GUCY1A2: variants seen among roughly 807,000 people sequenced by gnomAD.
GUCY1A2 encodes the protein guanylate cyclase soluble subunit alpha-2.
In GUCY1A2, 27 loss-of-function variants were observed where a neutral mutation model predicts 63.5. That is an observed-to-expected ratio of 0.43 (90% CI 0.31 to 0.59). The LOEUF (loss-of-function observed/expected upper bound fraction) is 0.59. Among genes scored for constraint, GUCY1A2 ranks in the 20% least tolerant of loss-of-function variants. The pLI, the probability that GUCY1A2 is intolerant of heterozygous loss-of-function variation, is 0.11. For missense variants in GUCY1A2, 768 were observed against 913.3 expected (o/e 0.84, Z 2.05); for synonymous variants, 364 against 343.5 (o/e 1.06, Z -0.66).
chr11:106,842,815 A>G (rs572460342), intron 4 of GUCY1A2, among the ~76,000 whole-genome samples: 3 of 152,030 alleles, frequency 2.0e-5, no homozygotes, highest in South Asian at 4.1e-4. Context: ...GTGATTCTCA[A>G]ATAAGCTTCT....
intron 4 of GUCY1A2, among the ~76,000 whole-genome samples, chr11:106,888,426 C>T (rs1859929294): frequency 6.6e-6 from 1 of 152,074 alleles, no homozygotes; most frequent in African/African-American, 2.4e-5. Context: ...GATCACTCCA[C>T]TGCACTCCAG....
intron 4 of GUCY1A2, among the ~76,000 whole-genome samples, chr11:106,908,631 A>G (rs575409718): frequency 6.6e-6 from 1 of 152,164 alleles, no homozygotes; most frequent in East Asian, 1.9e-4. Flanking sequence ...TCATTACTCA[A>G]TTATCCTATT....
intron 4 of GUCY1A2, among the ~76,000 whole-genome samples, chr11:106,812,414 G>C (rs1858774137): frequency 6.6e-6 from 1 of 150,448 alleles, no homozygotes; most frequent in Admixed American, 6.6e-5. Context: ...TCTTTATTTG[G>C]TGTTTGTCTC....
At chr11:106,708,446 C>G (rs1591239424) in intron 7 of GUCY1A2, 66 bp downstream of exon 7, 1 of 1,284,888 alleles carries the variant, frequency 7.8e-7, no homozygotes, top group Non-Finnish European at 1.1e-6. Context: ...CAGGGACTCA[C>G]AGATGACAGC....
chr11:106,767,424 T>A (rs932443935), intron 6 of GUCY1A2, among the ~76,000 whole-genome samples: 2 of 152,134 alleles, frequency 1.3e-5, no homozygotes, highest in Non-Finnish European at 2.9e-5. Flanking sequence ...TATGCAAATA[T>A]CTTCACAAAA....
chr11:106,778,962 AT>A (rs1864410791), intron 5 of GUCY1A2, among the ~76,000 whole-genome samples: 2 of 152,176 alleles, frequency 1.3e-5, no homozygotes, highest in South Asian at 4.1e-4. Context: ...ATTATAAAAT[AT>A]TCTGTTATTT....
At chr11:106,780,154 G>A (rs905064346) in intron 5 of GUCY1A2, among the ~76,000 whole-genome samples, 3 of 152,126 alleles carry the variant, frequency 2.0e-5, no homozygotes, top group South Asian at 2.1e-4. Flanking sequence ...AAGCGAGAAC[G>A]AGACCTTTCT....
intron 4 of GUCY1A2, among the ~76,000 whole-genome samples, chr11:106,902,572 AG>A (rs1281247264): frequency 6.6e-6 from 1 of 152,148 alleles, no homozygotes; most frequent in Non-Finnish European, 1.5e-5. Flanking sequence ...TATCTTAGCT[AG>A]ATCTTCTGGA....
intron 4 of GUCY1A2, among the ~76,000 whole-genome samples, chr11:106,877,721 G>T (rs939534614): frequency 6.6e-6 from 1 of 152,020 alleles, no homozygotes; most frequent in African/African-American, 2.4e-5. Flanking sequence ...AATGGACAAA[G>T]GTTTCATGTT....
chr11:106,766,555 T>TG (rs1864167040), intron 6 of GUCY1A2, among the ~76,000 whole-genome samples: 1 of 141,198 alleles, frequency 7.1e-6, no homozygotes, highest in Admixed American at 7.5e-5. Flanking sequence ...ATCTTTTTTT[T>TG]GTAATTTTAG....
At chr11:106,862,527 A>G (rs1859527939) in intron 4 of GUCY1A2, among the ~76,000 whole-genome samples, 1 of 152,034 alleles carries the variant, frequency 6.6e-6, no homozygotes, top group South Asian at 2.1e-4. Context: ...CTATTGTGAA[A>G]ACTGAAAGAA....
intron 4 of GUCY1A2, among the ~76,000 whole-genome samples, chr11:106,861,497 T>C (rs1284627468): frequency 6.6e-6 from 1 of 152,016 alleles, no homozygotes; most frequent in Non-Finnish European, 1.5e-5. Context: ...CTTTCAGTTC[T>C]GAAATAATCA....
Position 107,018,473 on chromosome 11 carries a change from T to TTCTGCCG in GUCY1A2, c.-419_-418insCGGCAGA, listed in dbSNP as rs1302481998. On this transcript the variant is annotated 5_prime_UTR_variant, in exon 1 of 8. Coordinates refer to ENST00000526355, the MANE Select transcript of GUCY1A2 (RefSeq NM_000855.3). ...CAGAAGGGGAGGCAGAGGCAGAGGC[T>TTCTGCCG]TCTGCCGCCTGCGCGCCTATCTCGC... The TTCTGCCG allele has an allele frequency of 6.6e-6, 1 of 151,246 alleles. No homozygotes were observed. 9.4% of individuals were successfully genotyped at this position (151,246 alleles called of 1,614,324 possible).
In GUCY1A2 at chr11:106,683,251, A is replaced by G. The variant is rs1035864584; in HGVS notation, c.*4298T>C. 4.6e-6 allele frequency: 1 copy of G among 217,684 alleles called. No homozygotes were observed. The highest frequency in any genetic ancestry group is 9.2e-6 in the Non-Finnish European group (1 of 108,244). The allele number at this position is 217,684 out of a possible 1,614,324, so 13.5% of individuals were successfully genotyped here. A position where few individuals can be genotyped will look rare whatever the true frequency, so the allele number is the denominator to read the frequency against. On this transcript the variant is annotated 3_prime_UTR_variant, in exon 8 of 8. Coordinates refer to ENST00000526355, the MANE Select transcript of GUCY1A2 (RefSeq NM_000855.3). ...ACATAATTTTTGTAGCTGAAGGTCT[A>G]TAATCTAATAGTAGAAAAAACTAAG... is the stretch of plus-strand genomic sequence containing the variant.
At chr11:106,713,477 C>T (rs1009922993) in intron 6 of GUCY1A2, among the ~76,000 whole-genome samples, 15 of 148,122 alleles carry the variant, frequency 1.0e-4, no homozygotes, top group South Asian at 2.1e-4. Context: ...GCAAAGCACA[C>T]TGCAATATTA....
chr11:106,674,420 T>G lies in GUCY1A2; in HGVS notation c.*13129A>C, dbSNP rs1322138351. The G allele has an allele frequency of 1.1e-5, 2 of 176,188 alleles. No homozygotes were observed. Among genetic ancestry groups the G allele is most frequent in the Admixed American group, 6.3e-5 (1 of 15,786 alleles). The allele number at this position is 176,188 out of a possible 1,614,324, so 10.9% of individuals were successfully genotyped here. Reference sequence around the variant, plus strand: ...AAAATTCTAGTGAAATGAGGCATATTTTATCATTTCAATCAGAAAAAGTTT... The same window carrying G: ...AAAATTCTAGTGAAATGAGGCATATGTTATCATTTCAATCAGAAAAAGTTT... On this transcript the variant is annotated 3_prime_UTR_variant, in exon 8 of 8. Coordinates refer to ENST00000526355, the MANE Select transcript of GUCY1A2 (RefSeq NM_000855.3).
intron 6 of GUCY1A2, among the ~76,000 whole-genome samples, chr11:106,727,962 A>G (rs1863436287): frequency 6.6e-6 from 1 of 152,184 alleles, no homozygotes; most frequent in Non-Finnish European, 1.5e-5. Context: ...CCAAATTAGA[A>G]TCTCCCAATG....
rs568139219 is a variant in GUCY1A2, at chr11:107,015,561, CAAAAAAAAAAAAAAAAAAAAAA to C, written c.303+2170_303+2191del. On this transcript the variant is annotated intron_variant, in intron 1 of 7. Coordinates refer to ENST00000526355, the MANE Select transcript of GUCY1A2 (RefSeq NM_000855.3). ...TTAGAAATCTGTAAATTCTCTTAGG[CAAAAAAAAAAAAAAAAAAAAAA>C]AAAAAAAAAAAAAAACCTCCAAGGT... Among the ~76,000 whole-genome samples, 136 of 27,516 alleles carry C rather than the reference CAAAAAAAAAAAAAAAAAAAAAA, an allele frequency of 4.9e-3. 3 individuals carry two copies. Among genetic ancestry groups the C allele is most frequent in the African/African-American group, 0.015 (130 of 8,762 alleles). 18.1% of individuals were successfully genotyped at this position (27,516 alleles called of 152,430 possible). A position where few individuals can be genotyped will look rare whatever the true frequency, so the allele number is the denominator to read the frequency against.
intron 6 of GUCY1A2, among the ~76,000 whole-genome samples, chr11:106,763,066 G>A (rs1037632828): frequency 4.6e-5 from 7 of 151,972 alleles, no homozygotes; most frequent in African/African-American, 1.4e-4. Context: ...AAAATGGTCC[G>A]TGATGGCAAC....
Sources: gnomAD v4.1 joint callset for allele counts (sites outside exome capture counted in the v4.1 genomes callset) on GRCh38, gnomAD v4.1.1 for gene constraint, MANE v1.5 for transcripts, NCBI Gene and HGNC (gene_info 2026-07-23, HGNC 2026-07-21) for gene names.